RAD52: variants seen among roughly 807,000 people sequenced by gnomAD.
The protein encoded by RAD52 is DNA repair protein RAD52 homolog.
A neutral mutation model predicts 55.5 loss-of-function variants in RAD52; 47 were observed. The ratio of observed to expected loss-of-function variants is 0.85; its 90% CI spans 0.67 to 1.08. RAD52 has a LOEUF of 1.08. Among genes scored for constraint, RAD52 ranks in the 50% least tolerant of loss-of-function variants. RAD52 has a pLI of 0.00. For missense variants in RAD52, 468 were observed against 522.8 expected (o/e 0.90, Z 1.02); for synonymous variants, 184 against 198.9 (o/e 0.92, Z 0.63).
intron 1 of RAD52, among the ~76,000 whole-genome samples, chr12:935,323 A>G (rs947979110): frequency 2.0e-5 from 3 of 151,938 alleles, no homozygotes; most frequent in Non-Finnish European, 4.4e-5. Flanking sequence ...CAGGAAGGCT[A>G]CAGAGCAAAA....
intron 1 of RAD52, among the ~76,000 whole-genome samples, chr12:961,315 A>AAAAAAAAAAAAAAAAAAAAAAC (rs1958682212): frequency 6.8e-6 from 1 of 146,496 alleles, no homozygotes; most frequent in Non-Finnish European, 1.5e-5. Flanking sequence ...ATCTCAAAAA[A>AAAAAAAAAAAAAAAAAAAAAAC]AAAAAAAAAA....
rs968102091 is a variant in RAD52, at chr12:912,178, T to C, written c.*1213A>G. 4.1e-5 allele frequency: 8 copies of C among 196,244 alleles called. No individual in the cohort carries two copies. Among genetic ancestry groups the C allele is most frequent in the Middle Eastern group, 1.7e-3 (1 of 578 alleles). 12.2% of individuals were successfully genotyped at this position (196,244 alleles called of 1,614,324 possible). On this transcript the variant is annotated 3_prime_UTR_variant, in exon 12 of 12. Coordinates refer to ENST00000358495, the MANE Select transcript of RAD52 (RefSeq NM_134424.4). ...AACAGTTGCGTTTGAGCATCCCTAA[T>C]TGAAATGCTCTGAGATCAGAAAATT...
At chr12:926,856 A>G (rs751376078) in intron 6 of RAD52, 6 of 1,536,914 alleles carry the variant, frequency 3.9e-6, no homozygotes. Context: ...GTGCACTCGC[A>G]GTAGGAGTGG....
intron 1 of RAD52, among the ~76,000 whole-genome samples, chr12:942,998 C>T (rs938754894): frequency 3.3e-5 from 5 of 152,124 alleles, no homozygotes; most frequent in Non-Finnish European, 7.3e-5. Context: ...TAAAAAGACA[C>T]ACAACCCAAT....
chr12:980,528 A>T (rs1323312035), intron 1 of RAD52, among the ~76,000 whole-genome samples: 2 of 151,498 alleles, frequency 1.3e-5, no homozygotes, highest in Non-Finnish European at 2.9e-5. Flanking sequence ...TCCTGACCTC[A>T]AGTGATCCGC....
intron 1 of RAD52, among the ~76,000 whole-genome samples, chr12:944,751 C>G (rs1165230682): frequency 7.1e-6 from 1 of 140,980 alleles, no homozygotes; most frequent in Non-Finnish European, 1.5e-5. Context: ...TTCCTTATCA[C>G]CTAAAAGCAT....
At chr12:944,395 C>T (rs1311077580) in intron 1 of RAD52, among the ~76,000 whole-genome samples, 1 of 151,672 alleles carries the variant, frequency 6.6e-6, no homozygotes, top group Admixed American at 6.6e-5. Context: ...TGCCGGCAGT[C>T]CCAGCTACTC....
intron 1 of RAD52, among the ~76,000 whole-genome samples, chr12:962,579 C>A (rs984174850): frequency 6.6e-6 from 1 of 151,860 alleles, no homozygotes; most frequent in Non-Finnish European, 1.5e-5. Flanking sequence ...GATCTCCTGA[C>A]CTTGTGATCC....
rs1291279537 is a variant in RAD52 at position 927,201 on chromosome 12, T to C, written c.411A>G (p.Leu137=). 1 of 1,614,168 alleles carries C rather than the reference T, an allele frequency of 6.2e-7. No individual in the cohort carries two copies. Among genetic ancestry groups the C allele is most frequent in the Non-Finnish European group, 8.5e-7 (1 of 1,180,028 alleles). The change falls in exon 6 of 12, where the codon TTA becomes TTG. Residue 137 remains leucine (L), a synonymous_variant. Transcript: ENST00000358495. ...GVSEGLKSKA[L]SLEKARKEAV... is the part of the protein sequence containing the mutation. ...CCTCCTTCCTTGCCTTCTCCAAAGA[T>C]AAAGCCTTGGACTTGAGGCCCTCAC...
At chr12:955,386 G>A (rs56260517) in intron 1 of RAD52, among the ~76,000 whole-genome samples, 107 of 152,254 alleles carry the variant, frequency 7.0e-4, no homozygotes, top group Middle Eastern at 3.4e-3. Flanking sequence ...AGAAGATACA[G>A]TGATGCTTAG....
chr12:955,348 T>C (rs533721768), intron 1 of RAD52, among the ~76,000 whole-genome samples: 1 of 152,322 alleles, frequency 6.6e-6, no homozygotes, highest in South Asian at 2.1e-4. Context: ...GAAGGTTTAG[T>C]GTGTGCCGAC....
intron 1 of RAD52, among the ~76,000 whole-genome samples, chr12:943,170 T>G (rs769716222): frequency 1.3e-5 from 2 of 152,154 alleles, no homozygotes; most frequent in Non-Finnish European, 2.9e-5. Context: ...CAACACCAAA[T>G]GCTGGCAAGG....
At chr12:964,120 A>G (rs1296279934) in intron 1 of RAD52, among the ~76,000 whole-genome samples, 1 of 152,202 alleles carries the variant, frequency 6.6e-6, no homozygotes, top group African/African-American at 2.4e-5. Flanking sequence ...GGGTTCAGAC[A>G]AGGCATTTAG....
At chr12:982,417 A>G (rs563514583) in intron 1 of RAD52, among the ~76,000 whole-genome samples, 1 of 152,336 alleles carries the variant, frequency 6.6e-6, no homozygotes, top group East Asian at 1.9e-4. Context: ...AACCAAAAGA[A>G]GCTAGGCCAT....
At chr12:934,683 C>T (rs1168058041) in intron 1 of RAD52, among the ~76,000 whole-genome samples, 1 of 152,088 alleles carries the variant, frequency 6.6e-6, no homozygotes, top group Non-Finnish European at 1.5e-5. Context: ...ATTACCTTGA[C>T]TGTGGTAATC....
chr12:961,056 A>T (rs1165302397), intron 1 of RAD52, among the ~76,000 whole-genome samples: 1 of 151,918 alleles, frequency 6.6e-6, no homozygotes, highest in African/African-American at 2.4e-5. Flanking sequence ...AGTGGCTCAC[A>T]CCTGTAATCC....
chr12:973,223 C>G (rs7966541), intron 1 of RAD52, among the ~76,000 whole-genome samples: 2 of 151,988 alleles, frequency 1.3e-5, no homozygotes, highest in Non-Finnish European at 2.9e-5. Flanking sequence ...GCGCCCGCCA[C>G]CACACCCGGC....
At chr12:965,362 G>T (rs1013050579) in intron 1 of RAD52, among the ~76,000 whole-genome samples, 4 of 151,978 alleles carry the variant, frequency 2.6e-5, no homozygotes, top group African/African-American at 4.8e-5. Context: ...TAACAAGTAC[G>T]ACTGCTTTGT....
At chr12:930,744 A>G (rs575918867) in intron 3 of RAD52, among the ~76,000 whole-genome samples, 1 of 151,788 alleles carries the variant, frequency 6.6e-6, no homozygotes, top group South Asian at 2.1e-4. Context: ...AGGTGGGAGG[A>G]TCACTTGAGC....
Sources: gnomAD v4.1 joint callset for allele counts (sites outside exome capture counted in the v4.1 genomes callset) on GRCh38, gnomAD v4.1.1 for gene constraint, MANE v1.5 for transcripts, NCBI Gene and HGNC (gene_info 2026-07-23, HGNC 2026-07-21) for gene names.